Variants in SMC6 observed in about 807,000 individuals in gnomAD.
SMC6 encodes structural maintenance of chromosomes protein 6.
A neutral mutation model predicts 142.2 loss-of-function variants in SMC6; 79 were observed. The ratio of observed to expected loss-of-function variants is 0.56; its 90% CI spans 0.46 to 0.67. SMC6 has a LOEUF of 0.67. Ranked by LOEUF, SMC6 falls within the 30% of genes least tolerant of loss-of-function variation. SMC6 has a pLI of 0.00. For missense variants in SMC6, 1,072 were observed against 1,284.0 expected (o/e 0.83, Z 2.52); for synonymous variants, 411 against 412.4 (o/e 1.00, Z 0.04).
chr2:17,727,455 GC>G (rs1669685275), intron 7 of SMC6, among the ~76,000 whole-genome samples: 1 of 151,976 alleles, frequency 6.6e-6, no homozygotes, highest in African/African-American at 2.4e-5. Context: ...CTTACAGACA[GC>G]CTATTGTGGG....
At chr2:17,708,124 C>A (rs1293012655) in intron 17 of SMC6, among the ~76,000 whole-genome samples, 1 of 151,908 alleles carries the variant, frequency 6.6e-6, no homozygotes, top group Non-Finnish European at 1.5e-5. Context: ...ATATAAATCA[C>A]CTTGTCCCTT....
intron 23 of SMC6, among the ~76,000 whole-genome samples, chr2:17,684,137 A>C (rs1043407624): frequency 5.3e-5 from 8 of 152,280 alleles, no homozygotes; most frequent in Admixed American, 5.2e-4. Context: ...GATGCCAATA[A>C]AAGAAAAAAA....
Position 17,753,779 on chromosome 2 carries a change from C to G in SMC6, c.-246G>C, listed in dbSNP as rs1220911645. 6.6e-6 allele frequency: 1 copy of G among 152,096 alleles called. No individual in the cohort carries two copies. The highest frequency in any genetic ancestry group is 6.5e-5 in the Admixed American group (1 of 15,276). 9.4% of individuals were successfully genotyped at this position (152,096 alleles called of 1,614,324 possible). A position where few individuals can be genotyped will look rare whatever the true frequency, so the allele number is the denominator to read the frequency against. On this transcript the variant is annotated 5_prime_UTR_variant, in exon 1 of 28. Transcript: ENST00000448223. ...CCGGCCGCAGGAGAAGGTAGATTCC[C>G]GGGAGCCCCGGCGCCCACCGCGGTA...
chr2:17,695,919 C>T (rs1398025219), intron 22 of SMC6, among the ~76,000 whole-genome samples: 1 of 152,148 alleles, frequency 6.6e-6, no homozygotes, highest in Non-Finnish European at 1.5e-5. Flanking sequence ...AGACATGTCT[C>T]GTAGGAGCTA....
chr2:17,749,412 G>A (rs898434887), intron 2 of SMC6, among the ~76,000 whole-genome samples: 6 of 152,222 alleles, frequency 3.9e-5, no homozygotes, highest in South Asian at 4.2e-4. Flanking sequence ...ATTAATGGCC[G>A]GGCGCGGTGG....
At chr2:17,749,743 G>A (rs1350110903) in intron 2 of SMC6, among the ~76,000 whole-genome samples, 4 of 152,104 alleles carry the variant, frequency 2.6e-5, no homozygotes, top group Admixed American at 2.6e-4. Context: ...AGATGCATAG[G>A]AAATTTGATA....
rs1032528860 is a variant in SMC6, at chr2:17,701,842, T to G, written c.2210A>C (p.Asp737Ala). 6.4e-7 allele frequency: 1 copy of G among 1,567,056 alleles called. No individual in the cohort carries two copies. The highest frequency in any genetic ancestry group is 8.7e-7 in the Non-Finnish European group (1 of 1,154,798). Residue 737 changes from aspartate (D) to alanine (A), a missense_variant, in exon 20 of 28, where the codon GAT becomes GCT. Physicochemically the swap from Asp to Ala is moderately radical, Grantham distance 126. Transcript: ENST00000448223. ...LENIEEHQSV[D>A]IATLEDEAQE... The stretch of plus-strand genomic sequence containing the variant: ...AAAGTATTTTACCAAAGTTGCAATA[T>G]CTACAGACTGGTGTTCTTCTATGTT...
intron 21 of SMC6, among the ~76,000 whole-genome samples, chr2:17,699,096 A>AT (rs1465912790): frequency 1.3e-5 from 2 of 151,948 alleles, no homozygotes; most frequent in Non-Finnish European, 2.9e-5. Flanking sequence ...AGTCTATTGC[A>AT]TTTTTTCCTA....
chr2:17,707,437 C>A, intron 17 of SMC6, 58 bp from the exon 18 acceptor site: 1 of 1,177,510 alleles, frequency 8.5e-7, no homozygotes. Context: ...TTCTGATGTA[C>A]AGAATTTCAA....
chr2:17,695,142 A>G lies in SMC6; in HGVS notation c.2678+10T>C. ...AATGTGGTAAAGCAGAAAAGCTACCAGCTACTTACCTCATTATTTCCTCTC... is the reference window on the plus strand; with the variant it reads ...AATGTGGTAAAGCAGAAAAGCTACCGGCTACTTACCTCATTATTTCCTCTC... On this transcript the variant is annotated intron_variant, in intron 23 of 27. Coordinates refer to ENST00000448223, the MANE Select transcript of SMC6 (RefSeq NM_001142286.2). 1 of 1,612,178 alleles carries G rather than the reference A, an allele frequency of 6.2e-7. No homozygotes were observed. The highest frequency in any genetic ancestry group is 8.5e-7 in the Non-Finnish European group (1 of 1,179,520).
chr2:17,713,773 TTGCAGAA>T (rs1332578914), intron 16 of SMC6, among the ~76,000 whole-genome samples: 7 of 152,262 alleles, frequency 4.6e-5, no homozygotes, highest in Admixed American at 1.3e-4. Context: ...ATGCTATTTT[TTGCAGAA>T]TAACTCCCAA....
chr2:17,716,092 G>A lies in SMC6; in HGVS notation c.1519C>T (p.Pro507Ser). Residue 507 changes from proline (P) to serine (S), a missense_variant, in exon 15 of 28, where the codon CCT (proline) becomes TCT (serine). Physicochemically the swap from Pro to Ser is moderately conservative, Grantham distance 74. This residue lies in a region of SMC6 where 994 missense variants were observed against 1,153.2 expected (regional missense o/e 0.86). Coordinates refer to ENST00000448223, the MANE Select transcript of SMC6 (RefSeq NM_001142286.2). Reference protein sequence around the residue: ...QGHFTYKPVGPLGACIHLRDP... With the variant: ...QGHFTYKPVGSLGACIHLRDP... ...GCTAAATTAAGACAAATACCTAAAG[G>A]GCCTACAGGTTTATAGGTAAAATGT... 6.5e-7 allele frequency: 1 copy of A among 1,539,646 alleles called. No homozygotes were observed. The highest frequency in any genetic ancestry group is 1.3e-5 in the South Asian group (1 of 77,172).
chr2:17,689,529 A>G (rs554415020), intron 23 of SMC6, among the ~76,000 whole-genome samples: 40 of 152,362 alleles, frequency 2.6e-4, no homozygotes, highest in African/African-American at 9.4e-4. Context: ...GGTACAGAAA[A>G]AAAAGTAAAG....
intron 4 of SMC6, among the ~76,000 whole-genome samples, chr2:17,741,068 T>C (rs2125072144): frequency 6.6e-6 from 1 of 152,298 alleles, no homozygotes; most frequent in East Asian, 1.9e-4. Flanking sequence ...TATTCACCAG[T>C]TCCTATACAC....
At chr2:17,713,968 T>C (rs1196543217) in intron 16 of SMC6, among the ~76,000 whole-genome samples, 1 of 152,186 alleles carries the variant, frequency 6.6e-6, no homozygotes, top group African/African-American at 2.4e-5. Flanking sequence ...TTACCAAATA[T>C]GAGAGACATA....
chr2:17,716,952 C>G (rs1669118135), intron 13 of SMC6, 47 bp from the exon 14 acceptor site: 1 of 1,559,756 alleles, frequency 6.4e-7, no homozygotes, highest in Non-Finnish European at 8.7e-7. Flanking sequence ...CAATGAACAG[C>G]CTAACATTTA....
intron 20 of SMC6, 113 bp from the exon 21 acceptor site, chr2:17,700,491 G>T: frequency 2.7e-6 from 2 of 735,538 alleles, no homozygotes; most frequent in Non-Finnish European, 2.0e-6. Context: ...ATGCAAATCA[G>T]ATCAAATACA....
At chr2:17,691,609 T>C (rs878892926) in intron 23 of SMC6, among the ~76,000 whole-genome samples, 1 of 152,086 alleles carries the variant, frequency 6.6e-6, no homozygotes, top group South Asian at 2.1e-4. Flanking sequence ...GCCAATATCA[T>C]ACTGAATGGG....
Position 17,738,208 on chromosome 2 carries a change from A to G in SMC6, c.344+13T>C. 1 of 1,575,070 alleles carries G rather than the reference A, an allele frequency of 6.3e-7. No homozygotes were observed. Among genetic ancestry groups the G allele is most frequent in the Admixed American group, 1.7e-5 (1 of 58,210 alleles). ...AAAGAATTGAAAATAGATGGTAGAA[A>G]GCAAACACTTACTTCTGTCCATCTT... On this transcript the variant is annotated intron_variant, in intron 5 of 27. Coordinates refer to ENST00000448223, the MANE Select transcript of SMC6 (RefSeq NM_001142286.2).
Sources: gnomAD v4.1 joint callset for allele counts (sites outside exome capture counted in the v4.1 genomes callset) on GRCh38, gnomAD v4.1.1 for gene constraint, gnomAD v4.1.1 regional missense constraint, MANE v1.5 for transcripts, NCBI Gene and HGNC (gene_info 2026-07-23, HGNC 2026-07-21) for gene names.